BLTP3A: variants seen among roughly 807,000 people sequenced by gnomAD.
BLTP3A encodes ICBP90 binding protein 1.
At chr6:34,853,479 A>G in the BLTP3A span, among the ~76,000 whole-genome samples, 2 of 151,882 alleles carry the variant, frequency 1.3e-5, no homozygotes, top group African/African-American at 4.8e-5. Context: ...TAGTTGTTCA[A>G]TTTGGTGTTC....
At chr6:34,819,973 C>CCACTGGG in the BLTP3A span, among the ~76,000 whole-genome samples, 2 of 152,314 alleles carry the variant, frequency 1.3e-5, no homozygotes, top group Admixed American at 6.5e-5. Context: ...GACCCAGTGG[C>CCACTGGG]TTGATGAGAT....
At chr6:34,810,350 C>G in the BLTP3A span, among the ~76,000 whole-genome samples, 11 of 152,326 alleles carry the variant, frequency 7.2e-5, no homozygotes, top group African/African-American at 2.4e-4. Context: ...ACTGCTCTTG[C>G]TGAGATGACA....
the BLTP3A span, among the ~76,000 whole-genome samples, chr6:34,866,125 A>C: frequency 4.6e-5 from 7 of 152,296 alleles, no homozygotes; most frequent in African/African-American, 1.4e-4. Flanking sequence ...GTCTAAAAGG[A>C]AAGAGAAGGC....
the BLTP3A span, among the ~76,000 whole-genome samples, chr6:34,820,476 T>C: frequency 6.6e-6 from 1 of 152,008 alleles, no homozygotes; most frequent in African/African-American, 2.4e-5. Context: ...GTTGGTTATC[T>C]TGGGGTTCTT....
At chr6:34,871,755 AC>A in the BLTP3A span, 1 of 1,611,204 alleles carries the variant, frequency 6.2e-7, no homozygotes, top group Non-Finnish European at 8.5e-7. Context: ...AATAGGTGAC[AC>A]CTAGGAACTG....
chr6:34,869,198 C>T, the BLTP3A span, among the ~76,000 whole-genome samples: 3 of 152,036 alleles, frequency 2.0e-5, no homozygotes, highest in Non-Finnish European at 2.9e-5. Flanking sequence ...GATGGGGTTT[C>T]ACCATGTTGA....
chr6:34,800,869 A>G, the BLTP3A span, among the ~76,000 whole-genome samples: 1 of 151,846 alleles, frequency 6.6e-6, no homozygotes, highest in South Asian at 2.1e-4. Flanking sequence ...CTGGGTTTAC[A>G]GGCACATGCC....
At chr6:34,801,676 A>G in the BLTP3A span, among the ~76,000 whole-genome samples, 2 of 152,168 alleles carry the variant, frequency 1.3e-5, no homozygotes, top group Non-Finnish European at 2.9e-5. Flanking sequence ...TTTTACATAA[A>G]AGCACAAAAT....
chr6:34,864,965 C>CA, the BLTP3A span, among the ~76,000 whole-genome samples: 2 of 150,514 alleles, frequency 1.3e-5, no homozygotes, highest in South Asian at 4.2e-4. Flanking sequence ...GACTCCATCT[C>CA]AAAAAAAAGA....
At chr6:34,804,187 C>T in the BLTP3A span, among the ~76,000 whole-genome samples, 16 of 152,132 alleles carry the variant, frequency 1.1e-4, no homozygotes, top group African/African-American at 2.2e-4. Flanking sequence ...ATTGGATACA[C>T]ATCTGTAGGT....
the BLTP3A span, chr6:34,835,230 C>T: frequency 1.3e-6 from 2 of 1,548,190 alleles, no homozygotes; most frequent in Non-Finnish European, 1.8e-6. Flanking sequence ...GATTGGGCAA[C>T]AGTCACTTTG....
the BLTP3A span, among the ~76,000 whole-genome samples, chr6:34,818,742 T>G: frequency 6.6e-6 from 1 of 152,222 alleles, no homozygotes; most frequent in Non-Finnish European, 1.5e-5. Context: ...CATTCCTGTG[T>G]ATCCCTTAAT....
At chr6:34,853,989 C>T in the BLTP3A span, among the ~76,000 whole-genome samples, 2 of 152,070 alleles carry the variant, frequency 1.3e-5, no homozygotes, top group East Asian at 1.9e-4. Context: ...TTTGGGGGGC[C>T]GAGGTGGGTG....
chr6:34,801,978 C>T, the BLTP3A span, among the ~76,000 whole-genome samples: 1 of 152,042 alleles, frequency 6.6e-6, no homozygotes, highest in African/African-American at 2.4e-5. Context: ...ACCTCATGAT[C>T]CACCCACCTC....
At chr6:34,863,052 C>T in the BLTP3A span, among the ~76,000 whole-genome samples, 32 of 152,002 alleles carry the variant, frequency 2.1e-4, no homozygotes, top group Non-Finnish European at 3.4e-4. Flanking sequence ...ACTACAGGCG[C>T]GCACCATCAT....
chr6:34,859,337 C>T, the BLTP3A span: 2 of 1,613,828 alleles, frequency 1.2e-6, no homozygotes, highest in Non-Finnish European at 8.5e-7. Context: ...GCATTGAAGC[C>T]CCCAGCTGGC....
the BLTP3A span, chr6:34,867,624 TGGTA>T: frequency 2.5e-6 from 4 of 1,610,968 alleles, no homozygotes; most frequent in African/African-American, 5.3e-5. Context: ...CAGGTAAGGA[TGGTA>T]GTCATTCCAC....
At chr6:34,823,811 C>T in the BLTP3A span, among the ~76,000 whole-genome samples, 11 of 151,666 alleles carry the variant, frequency 7.3e-5, no homozygotes, top group Non-Finnish European at 1.6e-4. Context: ...CCTGGGATTA[C>T]GGATGTGAAC....
the BLTP3A span, chr6:34,858,107 T>C: frequency 6.2e-7 from 1 of 1,605,448 alleles, no homozygotes; most frequent in East Asian, 2.2e-5. Flanking sequence ...GAATTGTGTT[T>C]CATTTTCTCT....
Sources: gnomAD v4.1 joint callset for allele counts (sites outside exome capture counted in the v4.1 genomes callset) on GRCh38, gnomAD v4.1.1 for gene constraint, MANE v1.5 for transcripts, NCBI Gene and HGNC (gene_info 2026-07-23, HGNC 2026-07-21) for gene names.